HS3ST4: variants seen among roughly 807,000 people sequenced by gnomAD.
HS3ST4 encodes the protein heparan sulfate-glucosamine 3-sulfotransferase 4.
HS3ST4 carries 17 observed loss-of-function variants against 29.2 expected under a neutral mutation model. The ratio of observed to expected loss-of-function variants is 0.58; its 90% CI spans 0.40 to 0.87. HS3ST4 has a LOEUF of 0.87. Among genes scored for constraint, HS3ST4 ranks in the 40% least tolerant of loss-of-function variants. The pLI, the probability that HS3ST4 is intolerant of heterozygous loss-of-function variation, is 0.00. For missense variants in HS3ST4, 627 were observed against 634.5 expected, an observed-to-expected ratio of 0.99 and a Z score of 0.13; for synonymous variants, 314 against 285.7, an observed-to-expected ratio of 1.10 and a Z score of -1.00.
intron 1 of HS3ST4, among the ~76,000 whole-genome samples, chr16:26,034,857 C>T (rs547666302): frequency 3.7e-4 from 57 of 152,158 alleles, no homozygotes; most frequent in African/African-American, 1.2e-3. Context: ...GTGGTGTGCA[C>T]CTGTAGTCCC....
At chr16:25,885,511 T>C (rs917294370) in intron 1 of HS3ST4, among the ~76,000 whole-genome samples, 50 of 152,068 alleles carry the variant, frequency 3.3e-4, no homozygotes, top group Non-Finnish European at 7.4e-5. Context: ...CTGCATATAT[T>C]GATTAAGTTT....
At chr16:26,099,980 G>T (rs1270888782) in intron 1 of HS3ST4, among the ~76,000 whole-genome samples, 2 of 152,210 alleles carry the variant, frequency 1.3e-5, no homozygotes, top group Non-Finnish European at 1.5e-5. Flanking sequence ...TCAAGGGGCT[G>T]TGTGGCTATC....
At chr16:25,821,438 C>T (rs1967155103) in intron 1 of HS3ST4, among the ~76,000 whole-genome samples, 1 of 151,992 alleles carries the variant, frequency 6.6e-6, no homozygotes, top group Non-Finnish European at 1.5e-5. Context: ...AATGTGTTTT[C>T]CTCATATTGA....
At chr16:25,822,316 G>A (rs74666316) in intron 1 of HS3ST4, among the ~76,000 whole-genome samples, 3,304 of 152,166 alleles carry the variant, frequency 0.022, 122 homozygotes, top group African/African-American at 0.074. Flanking sequence ...TTTTAGAAGA[G>A]TATTGGTCCG....
At chr16:25,864,120 A>G (rs989226341) in intron 1 of HS3ST4, among the ~76,000 whole-genome samples, 2 of 152,220 alleles carry the variant, frequency 1.3e-5, no homozygotes, top group Non-Finnish European at 2.9e-5. Context: ...AGGCTGGGCT[A>G]GGGCCCACCC....
rs60894635 is a variant in HS3ST4 at position 25,862,163 on chromosome 16, ATATTTATTTATT to A, written c.734+169046_734+169057del. Among the ~76,000 whole-genome samples the A allele has an allele frequency of 8.8e-3, 1,271 of 144,760 alleles. 9 individuals carry two copies. The highest frequency in any genetic ancestry group is 8.1e-3 in the Non-Finnish European group (540 of 66,386). 95.0% of individuals were successfully genotyped at this position (144,760 alleles called of 152,430 possible). On this transcript the variant is annotated intron_variant, in intron 1 of 1. Transcript: ENST00000331351. ...TCCTATGAGAATTTTATTTATTTAC[ATATTTATTTATT>A]TATTTATTTATTTATTTATTTATTT...
At chr16:25,791,477 C>T (rs964129201) in intron 1 of HS3ST4, among the ~76,000 whole-genome samples, 1 of 152,054 alleles carries the variant, frequency 6.6e-6, no homozygotes, top group African/African-American at 2.4e-5. Flanking sequence ...GGAATTACCC[C>T]CAAATTTACA....
intron 1 of HS3ST4, among the ~76,000 whole-genome samples, chr16:25,755,699 G>T (rs1966753287): frequency 6.6e-6 from 1 of 152,098 alleles, no homozygotes; most frequent in Non-Finnish European, 1.5e-5. Context: ...GCTTCTCTTG[G>T]AAAAATCAGA....
chr16:25,939,683 G>T (rs1001743281), intron 1 of HS3ST4, among the ~76,000 whole-genome samples: 1 of 152,112 alleles, frequency 6.6e-6, no homozygotes, highest in Admixed American at 6.5e-5. Flanking sequence ...CTTGCTTTCT[G>T]TGGAGAGACG....
intron 1 of HS3ST4, among the ~76,000 whole-genome samples, chr16:26,126,885 G>C (rs538798659): frequency 3.0e-4 from 45 of 152,304 alleles, no homozygotes; most frequent in African/African-American, 1.0e-3. Flanking sequence ...AGACCTCTCA[G>C]TGGGTTTGTC....
At chr16:26,019,620 C>T (rs575421921) in intron 1 of HS3ST4, among the ~76,000 whole-genome samples, 4 of 152,192 alleles carry the variant, frequency 2.6e-5, no homozygotes, top group South Asian at 4.2e-4. Flanking sequence ...GGGAGGGCGG[C>T]GGGTCCGTCT....
chr16:26,068,287 C>G (rs1317517015), intron 1 of HS3ST4, among the ~76,000 whole-genome samples: 1 of 152,144 alleles, frequency 6.6e-6, no homozygotes, highest in East Asian at 1.9e-4. Context: ...TTCTGTGACC[C>G]TAATATGCTA....
At chr16:25,746,852 A>G (rs1330876911) in intron 1 of HS3ST4, among the ~76,000 whole-genome samples, 1 of 151,786 alleles carries the variant, frequency 6.6e-6, no homozygotes, top group Admixed American at 6.6e-5. Context: ...CGCCCAGCCC[A>G]CAATTGTTTT....
chr16:25,834,447 C>A (rs934095010), intron 1 of HS3ST4, among the ~76,000 whole-genome samples: 4 of 151,792 alleles, frequency 2.6e-5, no homozygotes, highest in Non-Finnish European at 5.9e-5. Context: ...AGGCCCTTCA[C>A]CAATGAATTG....
At chr16:25,909,394 G>A (rs148306666) in intron 1 of HS3ST4, among the ~76,000 whole-genome samples, 75 of 152,192 alleles carry the variant, frequency 4.9e-4, no homozygotes, top group African/African-American at 1.8e-3. Context: ...TAGCCATGTT[G>A]TCCAGGCTGG....
chr16:25,696,857 A>G (rs1331553517), intron 1 of HS3ST4, among the ~76,000 whole-genome samples: 1 of 152,226 alleles, frequency 6.6e-6, no homozygotes, highest in African/African-American at 2.4e-5. Context: ...CATTGTGGCA[A>G]TTGGTGCTAC....
chr16:25,952,059 G>A (rs1376032115), intron 1 of HS3ST4, among the ~76,000 whole-genome samples: 1 of 152,074 alleles, frequency 6.6e-6, no homozygotes, highest in Non-Finnish European at 1.5e-5. Flanking sequence ...AGACTTCATT[G>A]TCCATAAGTG....
intron 1 of HS3ST4, among the ~76,000 whole-genome samples, chr16:25,918,981 T>C (rs1352352460): frequency 6.6e-6 from 1 of 152,186 alleles, no homozygotes; most frequent in Non-Finnish European, 1.5e-5. Context: ...TCTTTCCATG[T>C]TTTCCAGGAA....
chr16:25,957,655 G>A (rs973432088), intron 1 of HS3ST4, among the ~76,000 whole-genome samples: 1 of 152,144 alleles, frequency 6.6e-6, no homozygotes, highest in African/African-American at 2.4e-5. Flanking sequence ...CTGACCTCAG[G>A]TGATCTGCCC....
Sources: allele counts gnomAD v4.1 joint callset (sites outside exome capture counted in the v4.1 genomes callset), GRCh38; gene constraint gnomAD v4.1.1; transcripts MANE v1.5; gene names NCBI Gene and HGNC (gene_info 2026-07-23, HGNC 2026-07-21).